The following SCIN variants were observed in gnomAD, a reference collection of about 807,000 sequenced individuals.
SCIN encodes the protein scinderin, also known as adseverin.
Under a neutral mutation model 91.8 loss-of-function variants are expected in SCIN, and 91 were observed. That is an observed-to-expected ratio of 0.99 (90% CI 0.84 to 1.18). SCIN has a LOEUF of 1.18. Ranked by LOEUF, SCIN falls within the 50% of genes most tolerant of loss-of-function variation. The probability of loss-of-function intolerance (pLI) is 0.00; values close to 1 mark genes in which losing one functional copy is unlikely to be tolerated. For synonymous variants in SCIN, 367 were observed against 312.6 expected (o/e 1.17, Z -1.84); for missense variants, 1,087 against 863.9 (o/e 1.26, Z -3.24).
chr7:12,600,530 G>A (rs73062671), intron 3 of SCIN, among the ~76,000 whole-genome samples: 2,983 of 152,242 alleles, frequency 0.02, 36 homozygotes, highest in Middle Eastern at 0.037. Context: ...ACAAAGATAC[G>A]TGTAGGAAAA....
intron 3 of SCIN, among the ~76,000 whole-genome samples, chr7:12,601,743 T>C (rs1410880607): frequency 1.3e-5 from 2 of 152,258 alleles, no homozygotes; most frequent in Non-Finnish European, 2.9e-5. Flanking sequence ...TAAAACTGTT[T>C]ATCATTTTTT....
intron 3 of SCIN, among the ~76,000 whole-genome samples, chr7:12,582,512 G>A (rs1429237013): frequency 6.6e-6 from 1 of 152,114 alleles, no homozygotes; most frequent in African/African-American, 2.4e-5. Context: ...GATCATACCA[G>A]CTTGTGTGCA....
At chr7:12,621,548 A>G (rs186082688) in intron 4 of SCIN, among the ~76,000 whole-genome samples, 426 of 151,646 alleles carry the variant, frequency 2.8e-3, no homozygotes, top group African/African-American at 0.01. Context: ...AGAAAAGTAT[A>G]TGTGAGGAGA....
chr7:12,612,885 C>T (rs949854690), intron 4 of SCIN, among the ~76,000 whole-genome samples: 9 of 152,166 alleles, frequency 5.9e-5, no homozygotes, highest in East Asian at 1.9e-4. Context: ...AATTTCATAA[C>T]GAAGACTTGT....
At chr7:12,592,318 T>A (rs373060268) in intron 3 of SCIN, among the ~76,000 whole-genome samples, 1 of 152,094 alleles carries the variant, frequency 6.6e-6, no homozygotes, top group South Asian at 2.1e-4. Context: ...CGAGTCGGTA[T>A]GAGCCATCAG....
chr7:12,602,227 A>G (rs1486613684), intron 3 of SCIN, among the ~76,000 whole-genome samples: 1 of 152,202 alleles, frequency 6.6e-6, no homozygotes, highest in African/African-American at 2.4e-5. Context: ...AAAGCCAGCA[A>G]GTTTTATTAA....
chr7:12,627,744 C>T (rs1308250479), intron 8 of SCIN, among the ~76,000 whole-genome samples: 2 of 152,178 alleles, frequency 1.3e-5, no homozygotes, highest in Non-Finnish European at 2.9e-5. Context: ...GCATCTGTCT[C>T]CTGCTCAGAC....
intron 3 of SCIN, among the ~76,000 whole-genome samples, chr7:12,599,607 T>C (rs1344724798): frequency 6.6e-6 from 1 of 152,182 alleles, no homozygotes; most frequent in Non-Finnish European, 1.5e-5. Context: ...CTGTTTTCCA[T>C]AGTGGTCGTT....
intron 8 of SCIN, among the ~76,000 whole-genome samples, chr7:12,627,133 CAT>C (rs1203676564): frequency 6.6e-6 from 1 of 151,878 alleles, no homozygotes; most frequent in Admixed American, 6.6e-5. Context: ...TATATATACA[CAT>C]ATATCTGTGT....
intron 4 of SCIN, among the ~76,000 whole-genome samples, chr7:12,620,107 C>G (rs934523239): frequency 1.3e-5 from 2 of 151,694 alleles, no homozygotes; most frequent in African/African-American, 4.8e-5. Context: ...TACAAAATGT[C>G]ATATACAAAA....
Position 12,655,396 on chromosome 7 carries a change from A to C in SCIN, c.*2681A>C, listed in dbSNP as rs367751197. The stretch of plus-strand genomic sequence containing the variant: ...GCTACTTAAGGAATTCCTTTCACTG[A>C]AAAGAAACTCTTACAAATCAATGAG... On this transcript the variant is annotated 3_prime_UTR_variant, in exon 16 of 16. Coordinates refer to ENST00000297029, the MANE Select transcript of SCIN (RefSeq NM_001112706.3). 17 of 152,330 alleles carry C rather than the reference A, an allele frequency of 1.1e-4. No individual in the cohort carries two copies. Among genetic ancestry groups the C allele is most frequent in the African/African-American group, 3.8e-4 (16 of 41,580 alleles). The allele number at this position is 152,330 out of a possible 1,614,324, so 9.4% of individuals were successfully genotyped here. A position where few individuals can be genotyped will look rare whatever the true frequency, so the allele number is the denominator to read the frequency against.
chr7:12,601,606 T>C (rs908924331), intron 3 of SCIN, among the ~76,000 whole-genome samples: 7 of 152,124 alleles, frequency 4.6e-5, no homozygotes, highest in African/African-American at 1.4e-4. Flanking sequence ...TAATTATCTC[T>C]GTATCCCCAG....
chr7:12,635,942 T>C, intron 9 of SCIN, 103 bp from the exon 10 acceptor site: 1 of 825,556 alleles, frequency 1.2e-6, no homozygotes, highest in South Asian at 1.5e-5. Context: ...ACAGTTCGCT[T>C]CTTCTTGATC....
At chr7:12,646,950 A>G (rs1390718147) in intron 13 of SCIN, among the ~76,000 whole-genome samples, 1 of 152,206 alleles carries the variant, frequency 6.6e-6, no homozygotes, top group Admixed American at 6.5e-5. Context: ...CACCTACTTT[A>G]CAGGAAATCC....
intron 6 of SCIN, among the ~76,000 whole-genome samples, chr7:12,625,453 C>T (rs1294760785): frequency 1.9e-3 from 55 of 28,352 alleles, no homozygotes; most frequent in Non-Finnish European, 2.0e-3. Context: ...TTTTTTTTTC[C>T]GTCGCCCAGG....
intron 10 of SCIN, among the ~76,000 whole-genome samples, chr7:12,639,427 G>A (rs1224338569): frequency 1.3e-5 from 2 of 152,170 alleles, no homozygotes; most frequent in Non-Finnish European, 2.9e-5. Flanking sequence ...ATGAGTACAT[G>A]CATCAGCATT....
At chr7:12,622,303 C>T (rs191644943) in intron 4 of SCIN, among the ~76,000 whole-genome samples, 9 of 152,126 alleles carry the variant, frequency 5.9e-5, no homozygotes, top group East Asian at 1.9e-4. Context: ...CAGCAGAAAA[C>T]GAAGCATGAT....
chr7:12,630,202 A>G (rs1427820589), intron 9 of SCIN, among the ~76,000 whole-genome samples: 4 of 151,882 alleles, frequency 2.6e-5, no homozygotes, highest in African/African-American at 9.7e-5. Context: ...CCTTGAGCCC[A>G]GTCAAGTTCA....
chr7:12,644,193 C>T lies in SCIN; in HGVS notation c.1637C>T (p.Pro546Leu), dbSNP rs190535249. Residue 546 changes from proline to leucine, a missense_variant, in exon 12 of 16, where the codon CCA (proline) becomes CTA (leucine). Physicochemically the swap from Pro to Leu is moderately conservative, Grantham distance 98. Transcript: ENST00000297029. ...AACGATGTTTTTGTCCTGAAACTGC[C>T]ACAAAATAGTGGCTACATCTGGGTA... is the stretch of plus-strand genomic sequence containing the variant. ...NSNDVFVLKLPQNSGYIWVGK... is the reference protein window; with the variant it reads ...NSNDVFVLKLLQNSGYIWVGK... 1.4e-4 allele frequency: 223 copies of T among 1,612,678 alleles called. No homozygotes were observed. The Admixed American group carries it at 3.6e-3, about 26-fold the overall frequency.
Sources: gnomAD v4.1 joint callset for allele counts (sites outside exome capture counted in the v4.1 genomes callset) on GRCh38, gnomAD v4.1.1 for gene constraint, MANE v1.5 for transcripts, NCBI Gene and HGNC (gene_info 2026-07-23, HGNC 2026-07-21) for gene names.